The following LRP1B variants were observed in gnomAD, a reference collection of about 807,000 sequenced individuals.
The protein encoded by LRP1B is LDL receptor related protein 1B.
LRP1B carries 217 observed loss-of-function variants against 556.6 expected under a neutral mutation model. That is an observed-to-expected ratio of 0.39 (90% confidence interval 0.35 to 0.44). The LOEUF is 0.44. Among genes scored for constraint, LRP1B ranks in the 20% least tolerant of loss-of-function variants. LRP1B has a pLI of 1.00. For synonymous variants in LRP1B, 2,047 were observed against 1,865.8 expected (o/e 1.10, Z -2.50); for missense variants, 5,053 against 5,620.8 (o/e 0.90, Z 3.23).
chr2:140,649,071 C>A (rs1181241484), intron 41 of LRP1B, among the ~76,000 whole-genome samples: 1 of 152,026 alleles, frequency 6.6e-6, no homozygotes, highest in Non-Finnish European at 1.5e-5. Context: ...GTAATTCAGG[C>A]CAATATTTAA....
chr2:142,100,941 G>A (rs1706547502), intron 1 of LRP1B, among the ~76,000 whole-genome samples: 1 of 151,912 alleles, frequency 6.6e-6, no homozygotes, highest in Non-Finnish European at 1.5e-5. Context: ...AAGGAGGAAG[G>A]GGACAAGGAA....
intron 6 of LRP1B, among the ~76,000 whole-genome samples, chr2:141,220,814 A>T (rs955806407): frequency 6.6e-6 from 1 of 151,844 alleles, no homozygotes; most frequent in Non-Finnish European, 1.5e-5. Flanking sequence ...TTTCATTATC[A>T]GCCATACTAA....
At chr2:141,791,383 A>C (rs1200330646) in intron 2 of LRP1B, among the ~76,000 whole-genome samples, 8 of 152,078 alleles carry the variant, frequency 5.3e-5, no homozygotes, top group Non-Finnish European at 8.8e-5. Flanking sequence ...CTATATACAC[A>C]CACACACAAC....
chr2:141,558,513 C>T (rs1225153089), intron 2 of LRP1B, among the ~76,000 whole-genome samples: 4 of 151,728 alleles, frequency 2.6e-5, no homozygotes, highest in Non-Finnish European at 2.9e-5. Flanking sequence ...ACAACAATAA[C>T]AAATTCATAG....
intron 3 of LRP1B, among the ~76,000 whole-genome samples, chr2:141,360,788 A>T (rs1202639601): frequency 6.6e-6 from 1 of 152,226 alleles, no homozygotes; most frequent in East Asian, 1.9e-4. Flanking sequence ...CATTCGCTAT[A>T]TAGGAAGGAA....
intron 2 of LRP1B, among the ~76,000 whole-genome samples, chr2:141,785,993 GCCA>G (rs1228709261): frequency 6.6e-6 from 1 of 151,792 alleles, no homozygotes; most frequent in Non-Finnish European, 1.5e-5. Flanking sequence ...TTCTAAGTGA[GCCA>G]CCACATTATT....
chr2:140,401,068 G>A (rs1020681604), intron 66 of LRP1B, among the ~76,000 whole-genome samples: 7 of 152,160 alleles, frequency 4.6e-5, no homozygotes, highest in African/African-American at 1.7e-4. Context: ...GTGGCCATGG[G>A]TTGAAAGAAG....
At position 140,916,534 on chromosome 2, in the gene LRP1B, G is replaced by C. The variant is rs955521215; in HGVS notation, c.3319+6431C>G. Reference sequence around the variant, plus strand: ...TCAGTTCTCTATGCCAGTCAGTTCTGTTACATTCTTCTGCTAAAAGATCAC... The same window carrying C: ...TCAGTTCTCTATGCCAGTCAGTTCTCTTACATTCTTCTGCTAAAAGATCAC... On this transcript the variant is annotated intron_variant, in intron 21 of 90. Transcript: ENST00000389484. Among the ~76,000 whole-genome samples, 4 of 152,144 alleles carry C rather than the reference G, an allele frequency of 2.6e-5. No individual in the cohort carries two copies. In the South Asian group the frequency reaches 8.3e-4, roughly 31 times the overall value.
chr2:140,968,669 T>C (rs1573934014), intron 18 of LRP1B, among the ~76,000 whole-genome samples: 1 of 152,206 alleles, frequency 6.6e-6, no homozygotes, highest in African/African-American at 2.4e-5. Context: ...GGGCCTTTAG[T>C]GCTATAAATT....
intron 2 of LRP1B, among the ~76,000 whole-genome samples, chr2:141,760,960 T>A: frequency 6.6e-6 from 1 of 152,212 alleles, no homozygotes; most frequent in East Asian, 1.9e-4. Flanking sequence ...TTAAGTTAGC[T>A]ATATTTGTGG....
chr2:140,253,786 AATTAAT>A, intron 86 of LRP1B, among the ~76,000 whole-genome samples: 1 of 152,300 alleles, frequency 6.6e-6, no homozygotes, highest in East Asian at 1.9e-4. Context: ...ACTATCATAA[AATTAAT>A]ATTAAGTAAT....
chr2:140,780,293 A>G lies in LRP1B; in HGVS notation c.5360-4055T>C, dbSNP rs372978699. Among the ~76,000 whole-genome samples, 5 of 152,326 alleles carry G rather than the reference A, an allele frequency of 3.3e-5. 1 individual carries two copies. In the East Asian group the frequency reaches 7.7e-4, roughly 24 times the overall value. On this transcript the variant is annotated intron_variant, in intron 32 of 90. Transcript: ENST00000389484. ...GAAATAAAATTTATAAAAATATTAA[A>G]GGATAAATTATGAGCAAAATCAAAA...
chr2:140,796,335 T>C (rs1243929494), intron 32 of LRP1B, among the ~76,000 whole-genome samples: 10 of 152,082 alleles, frequency 6.6e-5, no homozygotes, highest in Non-Finnish European at 1.5e-4. Context: ...ATGATATACT[T>C]TGAGATTGTT....
At chr2:141,286,817 C>T in intron 3 of LRP1B, 2 of 370,032 alleles carry the variant, frequency 5.4e-6, no homozygotes, top group Non-Finnish European at 1.2e-5. Flanking sequence ...CTCCTATTTT[C>T]CTTTTAATGG....
chr2:141,621,036 G>T (rs1482941949), intron 2 of LRP1B, among the ~76,000 whole-genome samples: 2 of 152,098 alleles, frequency 1.3e-5, no homozygotes, highest in African/African-American at 4.8e-5. Flanking sequence ...AGAGCATGAT[G>T]CTTTTTATTT....
At chr2:141,200,778 A>C (rs1387495760) in intron 6 of LRP1B, among the ~76,000 whole-genome samples, 1 of 152,168 alleles carries the variant, frequency 6.6e-6, no homozygotes, top group African/African-American at 2.4e-5. Context: ...CCATATGAGC[A>C]AAGGTCCTAT....
chr2:141,205,519 C>G (rs1682237848), intron 6 of LRP1B, among the ~76,000 whole-genome samples: 1 of 152,052 alleles, frequency 6.6e-6, no homozygotes, highest in South Asian at 2.1e-4. Flanking sequence ...TGTATTTTAT[C>G]AATAAAATTT....
intron 7 of LRP1B, among the ~76,000 whole-genome samples, chr2:141,064,098 G>C (rs945006962): frequency 3.3e-5 from 5 of 151,932 alleles, no homozygotes; most frequent in Admixed American, 2.0e-4. Flanking sequence ...AACCTTGGAG[G>C]CATGCTGTTA....
chr2:142,030,722 T>C (rs900364266), intron 1 of LRP1B, among the ~76,000 whole-genome samples: 8 of 151,920 alleles, frequency 5.3e-5, no homozygotes, highest in African/African-American at 1.9e-4. Context: ...TGTGTAAGAT[T>C]TTTATTAGAG....
Sources: gnomAD v4.1 joint callset for allele counts (sites outside exome capture counted in the v4.1 genomes callset) on GRCh38, gnomAD v4.1.1 for gene constraint, MANE v1.5 for transcripts, NCBI Gene and HGNC (gene_info 2026-07-23, HGNC 2026-07-21) for gene names.